NCKAP1: variants seen among roughly 807,000 people sequenced by gnomAD.
The protein encoded by NCKAP1 is NCK associated protein 1, also known as nck-associated protein 1.
A neutral mutation model predicts 151.2 loss-of-function variants in NCKAP1; 21 were observed. The ratio of observed to expected loss-of-function variants is 0.14; its 90% CI spans 0.10 to 0.20. The LOEUF is 0.20. NCKAP1 is among the 10% of genes least tolerant of loss of function. The pLI is 1.00. For missense variants in NCKAP1, 933 were observed against 1,352.1 expected (o/e 0.69, Z 4.86); for synonymous variants, 484 against 451.8 (o/e 1.07, Z -0.90).
chr2:182,928,252 T>TAACAC (rs751303067), intron 28 of NCKAP1, 26 bp from the exon 29 acceptor site: 1 of 1,512,260 alleles, frequency 6.6e-7, no homozygotes, highest in Non-Finnish European at 9.1e-7. Context: ...TAGGGTTGTG[T>TAACAC]AGACCCCAAA....
intron 6 of NCKAP1, 32 bp from the exon 7 acceptor site, chr2:182,995,870 TA>T (rs1698258722): frequency 2.6e-6 from 4 of 1,565,278 alleles, no homozygotes; most frequent in Non-Finnish European, 3.5e-6. Flanking sequence ...AGCTGAAGAA[TA>T]ATTTTCTTTC....
intron 10 of NCKAP1, among the ~76,000 whole-genome samples, chr2:182,983,814 C>T (rs867475143): frequency 3.9e-5 from 6 of 152,188 alleles, no homozygotes; most frequent in African/African-American, 1.4e-4. Context: ...GGGCAGACTG[C>T]GTGAGCTCAG....
intron 27 of NCKAP1, among the ~76,000 whole-genome samples, chr2:182,929,115 CT>C (rs1031097729): frequency 6.6e-6 from 1 of 151,404 alleles, no homozygotes; most frequent in African/African-American, 2.4e-5. Context: ...TTATCAACTA[CT>C]TAGGCATATT....
intron 17 of NCKAP1, among the ~76,000 whole-genome samples, chr2:182,964,263 A>T (rs2105835624): frequency 6.6e-6 from 1 of 152,266 alleles, no homozygotes; most frequent in South Asian, 2.1e-4. Context: ...TATATTTATT[A>T]ACAATTTAGT....
At chr2:182,975,689 CG>C (rs1282099267) in intron 15 of NCKAP1, among the ~76,000 whole-genome samples, 20 of 152,034 alleles carry the variant, frequency 1.3e-4, no homozygotes, top group Non-Finnish European at 2.4e-4. Flanking sequence ...AGAAGATCAC[CG>C]AGGCCAGGAG....
intron 26 of NCKAP1, among the ~76,000 whole-genome samples, chr2:182,931,089 T>C (rs1043830021): frequency 6.6e-6 from 1 of 152,138 alleles, no homozygotes; most frequent in Non-Finnish European, 1.5e-5. Flanking sequence ...ATATAAAATA[T>C]CAAGTCAGAA....
chr2:182,947,970 C>A (rs1369752333), intron 23 of NCKAP1, among the ~76,000 whole-genome samples: 1 of 152,028 alleles, frequency 6.6e-6, no homozygotes, highest in Non-Finnish European at 1.5e-5. Flanking sequence ...CTTAATAATA[C>A]ACAAGTAGTT....
intron 16 of NCKAP1, among the ~76,000 whole-genome samples, chr2:182,966,183 G>C (rs1697565800): frequency 6.6e-6 from 1 of 151,978 alleles, no homozygotes. Flanking sequence ...GGTTATTCCA[G>C]TCCTCTTCCC....
At chr2:182,967,433 G>T in intron 15 of NCKAP1, 72 bp from the exon 16 acceptor site, 1 of 1,328,980 alleles carries the variant, frequency 7.5e-7, no homozygotes, top group East Asian at 2.3e-5. Flanking sequence ...TTTACAGGGG[G>T]AAAAGCATCA....
chr2:183,015,121 G>C (rs562170571), intron 2 of NCKAP1, among the ~76,000 whole-genome samples: 1 of 152,222 alleles, frequency 6.6e-6, no homozygotes, highest in African/African-American at 2.4e-5. Flanking sequence ...GAGTTGAAGA[G>C]GTTATGAATA....
rs750604811 is a variant in NCKAP1 at position 182,967,357 on chromosome 2, T to C, written c.1487A>G (p.Tyr496Cys). The C allele has an allele frequency of 2.5e-6, 4 of 1,599,946 alleles. No homozygotes were observed. The highest frequency in any genetic ancestry group is 2.2e-5 in the East Asian group (1 of 44,704). ...MRLDWFRLQA[Y>C]TSVSKASLGL... Reference sequence around the variant, plus strand: ...AAGTGAAGCCTTTGAGACACTAGTATATGCCTATAAAGTACAAAAAAAAAA... The same window carrying C: ...AAGTGAAGCCTTTGAGACACTAGTACATGCCTATAAAGTACAAAAAAAAAA... The change falls in exon 16 of 31, where the codon TAT (tyrosine) becomes TGT (cysteine). Residue 496 changes from tyrosine to cysteine, a missense_variant. This residue lies in a region of NCKAP1 where 607 missense variants were observed against 795.0 expected (regional missense o/e 0.76). Transcript: ENST00000361354.
chr2:183,003,414 G>A (rs909255011), intron 2 of NCKAP1, 89 bp from the exon 3 acceptor site: 6 of 774,160 alleles, frequency 7.8e-6, no homozygotes, highest in African/African-American at 7.2e-5. Flanking sequence ...ACTGCTATAT[G>A]GAAGCACAAG....
At chr2:182,990,500 C>T (rs908308935) in intron 8 of NCKAP1, among the ~76,000 whole-genome samples, 2 of 152,048 alleles carry the variant, frequency 1.3e-5, no homozygotes, top group Non-Finnish European at 2.9e-5. Flanking sequence ...ATCTTTTTTA[C>T]CTTTTGTTAT....
chr2:182,943,582 C>T (rs960330513), intron 23 of NCKAP1, among the ~76,000 whole-genome samples: 2 of 151,874 alleles, frequency 1.3e-5, no homozygotes, highest in African/African-American at 2.4e-5. Flanking sequence ...CATCGTATCA[C>T]ATATCAGTGA....
At chr2:183,018,749 A>T (rs931893295) in intron 2 of NCKAP1, among the ~76,000 whole-genome samples, 1 of 152,230 alleles carries the variant, frequency 6.6e-6, no homozygotes, top group Non-Finnish European at 1.5e-5. Context: ...GTTTGAATAC[A>T]AGTGAAAGCT....
intron 2 of NCKAP1, among the ~76,000 whole-genome samples, chr2:183,016,311 T>C (rs1025080872): frequency 5.3e-5 from 8 of 152,240 alleles, no homozygotes; most frequent in African/African-American, 1.9e-4. Flanking sequence ...TTGACCTATT[T>C]CAATTACTTT....
chr2:182,998,400 G>T (rs1698312049), intron 6 of NCKAP1, among the ~76,000 whole-genome samples: 1 of 152,068 alleles, frequency 6.6e-6, no homozygotes, highest in Non-Finnish European at 1.5e-5. Context: ...GGAAGTCAAA[G>T]TATCTCTTTT....
rs751372585 is a variant in NCKAP1 at position 182,930,811 on chromosome 2, A to C, written c.2860-23T>G. 1.9e-6 allele frequency: 3 copies of C among 1,581,794 alleles called. No homozygotes were observed. In the South Asian group the frequency reaches 3.3e-5, roughly 18 times the overall value. Reference sequence around the variant, plus strand: ...AACCTGATAAAAACAAAAGAATTACAGAGCAATAAATAGTCTAACAAATTT... The same window carrying C: ...AACCTGATAAAAACAAAAGAATTACCGAGCAATAAATAGTCTAACAAATTT... On this transcript the variant is annotated intron_variant, in intron 26 of 30. Transcript: ENST00000361354.
chr2:182,938,500 T>C (rs1696928080), intron 24 of NCKAP1, among the ~76,000 whole-genome samples: 1 of 152,064 alleles, frequency 6.6e-6, no homozygotes. Context: ...CAACAAACTT[T>C]CAGAAAGGTT....
Sources: gnomAD v4.1 joint callset for allele counts (sites outside exome capture counted in the v4.1 genomes callset) on GRCh38, gnomAD v4.1.1 for gene constraint, gnomAD v4.1.1 regional missense constraint, MANE v1.5 for transcripts, NCBI Gene and HGNC (gene_info 2026-07-23, HGNC 2026-07-21) for gene names.